Variants in SAMD5 observed in about 807,000 individuals in gnomAD.
The protein encoded by SAMD5 is sterile alpha motif domain-containing protein 5.
SAMD5 carries 13 observed loss-of-function variants against 11.3 expected under a neutral mutation model. The observed-to-expected ratio is 1.15, with a 90% CI of 0.75 to 1.83. SAMD5 has a LOEUF of 1.83. Among genes scored for constraint, SAMD5 ranks in the 40% most tolerant of loss-of-function variants. SAMD5 has a pLI of 0.00. For synonymous variants in SAMD5, 129 were observed against 111.3 expected (o/e 1.16, Z -1.00); for missense variants, 255 against 239.1 (o/e 1.07, Z -0.44).
At chr6:147,854,755 A>G in the SAMD5 span, among the ~76,000 whole-genome samples, 1 of 152,234 alleles carries the variant, frequency 6.6e-6, no homozygotes, top group Non-Finnish European at 1.5e-5. Context: ...AAAGAAGCAG[A>G]AAAGAATTAA....
chr6:147,842,063 T>C, the SAMD5 span, among the ~76,000 whole-genome samples: 1 of 152,188 alleles, frequency 6.6e-6, no homozygotes, highest in Non-Finnish European at 1.5e-5. Flanking sequence ...CTTTCTTCTT[T>C]CAGTAGATTA....
the SAMD5 span, among the ~76,000 whole-genome samples, chr6:147,912,743 A>G: frequency 6.6e-6 from 1 of 152,194 alleles, no homozygotes; most frequent in Admixed American, 6.5e-5. Flanking sequence ...AGCTGGAAAA[A>G]AATGGTATGA....
At chr6:147,811,995 G>T in the SAMD5 span, among the ~76,000 whole-genome samples, 2 of 152,094 alleles carry the variant, frequency 1.3e-5, no homozygotes, top group African/African-American at 4.8e-5. Context: ...TGGGGAGAGA[G>T]GGGAGTAGAT....
intron 1 of SAMD5, among the ~76,000 whole-genome samples, chr6:147,543,821 C>T (rs1297706842): frequency 6.6e-6 from 1 of 152,028 alleles, no homozygotes; most frequent in Non-Finnish European, 1.5e-5. Flanking sequence ...TCTGGGCTTG[C>T]GGTCAGGTCT....
At chr6:147,585,268 G>A (rs1367576996) in intron 1 of SAMD5, among the ~76,000 whole-genome samples, 1 of 152,170 alleles carries the variant, frequency 6.6e-6, no homozygotes, top group African/African-American at 2.4e-5. Context: ...CAAGTGAAAA[G>A]TTATAGAGAT....
At chr6:147,935,169 G>A in the SAMD5 span, among the ~76,000 whole-genome samples, 7 of 152,158 alleles carry the variant, frequency 4.6e-5, no homozygotes. Context: ...GTAGGTTTGT[G>A]TTGTCATCCA....
chr6:147,952,810 G>A, the SAMD5 span, among the ~76,000 whole-genome samples: 900 of 152,224 alleles, frequency 5.9e-3, 5 homozygotes, highest in African/African-American at 0.02. Flanking sequence ...CACCGCACCC[G>A]GCCCTTTTTT....
At chr6:147,793,594 A>G in the SAMD5 span, among the ~76,000 whole-genome samples, 2 of 152,152 alleles carry the variant, frequency 1.3e-5, no homozygotes, top group Admixed American at 6.6e-5. Context: ...ACAACTGGGT[A>G]TTATTTTATT....
the SAMD5 span, among the ~76,000 whole-genome samples, chr6:147,954,222 T>A: frequency 2.0e-5 from 3 of 152,224 alleles, no homozygotes; most frequent in South Asian, 6.2e-4. Flanking sequence ...TTGTATTGAA[T>A]CACATTTAGT....
chr6:147,826,652 T>C, the SAMD5 span, among the ~76,000 whole-genome samples: 6 of 152,316 alleles, frequency 3.9e-5, no homozygotes, highest in African/African-American at 1.2e-4. Flanking sequence ...CATTAAAAAG[T>C]TGACAATTCT....
chr6:147,877,847 TACACACAC>T, the SAMD5 span, among the ~76,000 whole-genome samples: 3 of 113,076 alleles, frequency 2.7e-5, no homozygotes, highest in East Asian at 2.3e-4. Context: ...TTTATATAAA[TACACACAC>T]ACACACACAC....
At chr6:147,734,304 T>C (rs1791759461) in intron 1 of SAMD5, among the ~76,000 whole-genome samples, 1 of 152,230 alleles carries the variant, frequency 6.6e-6, no homozygotes, top group African/African-American at 2.4e-5. Flanking sequence ...TGTTGTTTTT[T>C]CTTTAGATTG....
intron 1 of SAMD5, among the ~76,000 whole-genome samples, chr6:147,724,188 C>T (rs1252246975): frequency 6.6e-6 from 1 of 152,136 alleles, no homozygotes; most frequent in East Asian, 1.9e-4. Flanking sequence ...AGTGCAGTGG[C>T]ACAATCTCAG....
At chr6:147,878,596 C>T in the SAMD5 span, among the ~76,000 whole-genome samples, 4 of 143,672 alleles carry the variant, frequency 2.8e-5, no homozygotes, top group Non-Finnish European at 4.5e-5. Flanking sequence ...GATATATATA[C>T]ATATATATCT....
At chr6:147,934,780 T>G in the SAMD5 span, among the ~76,000 whole-genome samples, 1 of 152,120 alleles carries the variant, frequency 6.6e-6, no homozygotes, top group Non-Finnish European at 1.5e-5. Context: ...GAAGAAAACG[T>G]GCATGAAGGG....
chr6:147,941,035 G>C, the SAMD5 span, among the ~76,000 whole-genome samples: 2 of 152,120 alleles, frequency 1.3e-5, no homozygotes, highest in South Asian at 4.1e-4. Context: ...CAGATGCTCA[G>C]TCAACTACTC....
At position 147,668,237 on chromosome 6, in the gene SAMD5, T is replaced by TG. The variant is rs1307591038; in HGVS notation, c.163-69079dup. On this transcript the variant is annotated intron_variant, in intron 1 of 1. Coordinates refer to the SAMD5 transcript ENST00000566741. ...ATCTATATACATACGCACATACGTATGTAGATCAGAAATAGCTTGTATCGT... is the reference window on the plus strand; with the variant it reads ...ATCTATATACATACGCACATACGTATGGTAGATCAGAAATAGCTTGTATCGT... Among the ~76,000 whole-genome samples, 10 of 152,360 alleles carry TG rather than the reference T, an allele frequency of 6.6e-5. No individual in the cohort carries two copies. In the East Asian group the frequency reaches 1.9e-3, roughly 29 times the overall value.
At chr6:147,707,980 A>G (rs1013938453) in intron 1 of SAMD5, among the ~76,000 whole-genome samples, 6 of 152,036 alleles carry the variant, frequency 3.9e-5, no homozygotes, top group African/African-American at 1.4e-4. Context: ...ACAACTTACC[A>G]TCTTTCTGGC....
chr6:147,907,876 G>T, the SAMD5 span, among the ~76,000 whole-genome samples: 1 of 152,132 alleles, frequency 6.6e-6, no homozygotes, highest in Admixed American at 6.5e-5. Flanking sequence ...ACATGCTCAG[G>T]TGCATTCATT....
Sources: allele counts gnomAD v4.1 joint callset (sites outside exome capture counted in the v4.1 genomes callset), GRCh38; gene constraint gnomAD v4.1.1; transcripts MANE v1.5; gene names NCBI Gene and HGNC (gene_info 2026-07-23, HGNC 2026-07-21).